USH2A: variants seen among roughly 807,000 people sequenced by gnomAD.
USH2A encodes the protein Usher syndrome 2A (autosomal recessive, mild).
In USH2A, 443 loss-of-function variants were observed where a neutral mutation model predicts 538.9. The observed-to-expected ratio is 0.82, with a 90% CI of 0.76 to 0.89. USH2A has a LOEUF of 0.89. Ranked by LOEUF, USH2A falls within the 40% of genes least tolerant of loss-of-function variation. The pLI, the probability that USH2A is intolerant of heterozygous loss-of-function variation, is 0.00. For synonymous variants in USH2A, 2,413 were observed against 2,273.5 expected (o/e 1.06, Z -1.75); for missense variants, 6,633 against 6,324.8 (o/e 1.05, Z -1.65).
chr1:215,809,371 T>A (rs1243441229), intron 49 of USH2A, among the ~76,000 whole-genome samples: 1 of 151,904 alleles, frequency 6.6e-6, no homozygotes, highest in Admixed American at 6.6e-5. Context: ...TTGAGCATAA[T>A]AAATGTTAAT....
At chr1:216,311,902 A>G (rs2037426979) in intron 9 of USH2A, among the ~76,000 whole-genome samples, 1 of 152,110 alleles carries the variant, frequency 6.6e-6, no homozygotes, top group Non-Finnish European at 1.5e-5. Context: ...AATGAAATAC[A>G]TTGTTCTTAT....
intron 3 of USH2A, among the ~76,000 whole-genome samples, chr1:216,369,309 G>A (rs576758162): frequency 1.1e-4 from 16 of 152,076 alleles, no homozygotes; most frequent in African/African-American, 3.6e-4. Context: ...CTACGAACAC[G>A]TGGAATCCCC....
intron 44 of USH2A, among the ~76,000 whole-genome samples, chr1:215,856,336 G>T (rs111560265): frequency 0.047 from 7,122 of 152,046 alleles, 267 homozygotes; most frequent in South Asian, 0.14. Context: ...AAACAAATTA[G>T]CAAGAAAAAT....
rs187116410 is a variant in USH2A, at chr1:215,731,904, C to T, written c.11712-3520G>A. ...AGATAGGTTGGAGGTCCTGGCTCTG[C>T]CACTTAGTTCAATGACCTTGGGTGA... On this transcript the variant is annotated intron_variant, in intron 60 of 71. Transcript: ENST00000307340. Among the ~76,000 whole-genome samples, 135 of 152,282 alleles carry T rather than the reference C, an allele frequency of 8.9e-4. 1 individual carries two copies. The highest frequency in any genetic ancestry group is 1.0e-4 in the Non-Finnish European group (7 of 68,026).
At chr1:215,961,275 T>C (rs971235104) in intron 37 of USH2A, among the ~76,000 whole-genome samples, 13 of 151,864 alleles carry the variant, frequency 8.6e-5, no homozygotes, top group Admixed American at 8.5e-4. Context: ...GTAAAATGTA[T>C]ATATTATCAT....
intron 21 of USH2A, among the ~76,000 whole-genome samples, chr1:216,152,990 T>C (rs2033869538): frequency 6.6e-6 from 1 of 152,040 alleles, no homozygotes; most frequent in African/African-American, 2.4e-5. Context: ...CATCTGAACA[T>C]TGAGAGGATT....
chr1:216,025,488 C>T (rs1474046958), intron 32 of USH2A, among the ~76,000 whole-genome samples: 1 of 151,958 alleles, frequency 6.6e-6, no homozygotes, highest in Non-Finnish European at 1.5e-5. Context: ...TTATTTACAA[C>T]ATATCTTTTA....
At chr1:216,146,573 G>A (rs2033709700) in intron 21 of USH2A, among the ~76,000 whole-genome samples, 1 of 152,124 alleles carries the variant, frequency 6.6e-6, no homozygotes, top group South Asian at 2.1e-4. Flanking sequence ...TTAGCGGCAA[G>A]TCCCGCTTTC....
At position 215,850,055 on chromosome 1, in the gene USH2A, A is replaced by T. The variant is rs561921612; in HGVS notation, c.8846-4022T>A. On this transcript the variant is annotated intron_variant, in intron 44 of 71. Transcript: ENST00000307340. ...AAGACAGAAAGATTAATCAAGATCC[A>T]GAACTCAAGATTGGGAAAGTTTAAG... 6.2e-4 allele frequency among the ~76,000 whole-genome samples: 94 copies of T among 152,320 alleles called. 1 individual carries two copies. Among genetic ancestry groups the T allele is most frequent in the African/African-American group, 2.2e-3 (90 of 41,586 alleles).
intron 26 of USH2A, 74 bp downstream of exon 26, chr1:216,083,382 C>G: frequency 6.6e-7 from 1 of 1,516,166 alleles, no homozygotes; most frequent in Non-Finnish European, 9.0e-7. Flanking sequence ...AAGTGTAATG[C>G]CAACACATGG....
intron 47 of USH2A, among the ~76,000 whole-genome samples, chr1:215,830,380 A>T (rs1163979827): frequency 1.3e-5 from 2 of 152,156 alleles, no homozygotes; most frequent in African/African-American, 2.4e-5. Context: ...CAACGGGGGG[A>T]AAAATCTTTC....
chr1:216,281,140 C>T (rs572632905), intron 11 of USH2A, among the ~76,000 whole-genome samples: 275 of 152,112 alleles, frequency 1.8e-3, no homozygotes, highest in Non-Finnish European at 3.3e-3. Flanking sequence ...TGTCTCTATA[C>T]TTGGAGCATG....
At chr1:216,021,663 G>A (rs1668848485) in intron 32 of USH2A, among the ~76,000 whole-genome samples, 1 of 152,136 alleles carries the variant, frequency 6.6e-6, no homozygotes, top group African/African-American at 2.4e-5. Context: ...AGCTCCCACA[G>A]TCATGTGAGC....
At chr1:215,722,301 T>A (rs1659687052) in intron 61 of USH2A, among the ~76,000 whole-genome samples, 1 of 152,076 alleles carries the variant, frequency 6.6e-6, no homozygotes, top group Non-Finnish European at 1.5e-5. Context: ...GAAAGCTACA[T>A]CTCCCAGAGT....
rs144083656 is a variant in USH2A, at chr1:216,198,179, T to C, written c.4081+136A>G. The stretch of plus-strand genomic sequence containing the variant: ...TGTTTATGTAACAAATCCATATATA[T>C]GAAAATTTTCCTTGGTCTATGGAAG... On this transcript the variant is annotated intron_variant, in intron 18 of 71. Transcript: ENST00000307340. 27 of 1,294,750 alleles carry C rather than the reference T, an allele frequency of 2.1e-5. No homozygotes were observed. In the African/African-American group the frequency reaches 2.8e-4, roughly 14 times the overall value. The allele number at this position is 1,294,750 out of a possible 1,614,324, so 80.2% of individuals were successfully genotyped here.
chr1:215,730,821 T>C (rs1266263698), intron 60 of USH2A, among the ~76,000 whole-genome samples: 1 of 152,132 alleles, frequency 6.6e-6, no homozygotes, highest in Non-Finnish European at 1.5e-5. Flanking sequence ...CTCACTACCA[T>C]GCGTGAACCA....
chr1:215,952,738 C>T (rs1416217923), intron 37 of USH2A, among the ~76,000 whole-genome samples: 1 of 152,178 alleles, frequency 6.6e-6, no homozygotes, highest in Non-Finnish European at 1.5e-5. Context: ...AGAGTTTCTG[C>T]CGACAGATCA....
intron 11 of USH2A, among the ~76,000 whole-genome samples, chr1:216,272,251 T>A (rs183158390): frequency 7.2e-5 from 11 of 152,258 alleles, no homozygotes; most frequent in Non-Finnish European, 1.5e-4. Context: ...ATTCAGGACA[T>A]CAGATTTATT....
At chr1:215,965,615 A>C in intron 36 of USH2A, 136 bp from the exon 37 acceptor site, 1 of 989,610 alleles carries the variant, frequency 1.0e-6, no homozygotes, top group South Asian at 1.6e-5. Flanking sequence ...TGAATACCTC[A>C]TTTTGTCAGC....
Sources: gnomAD v4.1 joint callset for allele counts (sites outside exome capture counted in the v4.1 genomes callset) on GRCh38, gnomAD v4.1.1 for gene constraint, MANE v1.5 for transcripts, NCBI Gene and HGNC (gene_info 2026-07-23, HGNC 2026-07-21) for gene names.